Variants in SNTB1 observed in about 807,000 individuals in gnomAD.
SNTB1 encodes syntrophin beta 1.
SNTB1 carries 36 observed loss-of-function variants against 48.9 expected under a neutral mutation model. The observed-to-expected ratio is 0.74, with a 90% confidence interval of 0.56 to 0.97. The LOEUF is 0.97. Among genes scored for constraint, SNTB1 ranks in the 50% least tolerant of loss-of-function variants. SNTB1 has a pLI of 0.00. For missense variants in SNTB1, 786 were observed against 703.4 expected (o/e 1.12, Z -1.33); for synonymous variants, 299 against 294.6 (o/e 1.01, Z -0.15).
At chr8:120,709,005 T>C (rs975118591) in intron 1 of SNTB1, among the ~76,000 whole-genome samples, 2 of 151,172 alleles carry the variant, frequency 1.3e-5, no homozygotes, top group Admixed American at 6.6e-5. Context: ...AGCAATTCAA[T>C]GTATAAGGAT....
chr8:120,538,855 C>G lies in SNTB1; in HGVS notation c.*22G>C, dbSNP rs200076522. 6.2e-7 allele frequency: 1 copy of G among 1,601,926 alleles called. No homozygotes were observed. The highest frequency in any genetic ancestry group is 1.3e-5 in the African/African-American group (1 of 74,790). ...GGTGGCATTGCAGCCCTTCTTTTCT[C>G]AAAGGCAAGTCACCCCTGTCTTCAG... On this transcript the variant is annotated 3_prime_UTR_variant, in exon 7 of 7. Coordinates refer to ENST00000517992, the MANE Select transcript of SNTB1 (RefSeq NM_021021.4).
chr8:120,798,830 T>C (rs1293810246), intron 1 of SNTB1, among the ~76,000 whole-genome samples: 1 of 152,072 alleles, frequency 6.6e-6, no homozygotes, highest in Non-Finnish European at 1.5e-5. Context: ...CCTTCCACCA[T>C]GATTTCTTCT....
At chr8:120,808,304 C>T (rs535299279) in intron 1 of SNTB1, among the ~76,000 whole-genome samples, 1 of 152,328 alleles carries the variant, frequency 6.6e-6, no homozygotes, top group East Asian at 1.9e-4. Context: ...GCCTCAGTTA[C>T]TGTTAAGTGT....
At chr8:120,580,593 A>G (rs1210602345) in intron 3 of SNTB1, among the ~76,000 whole-genome samples, 1 of 152,218 alleles carries the variant, frequency 6.6e-6, no homozygotes, top group African/African-American at 2.4e-5. Flanking sequence ...TCACGAAGGA[A>G]GAAGGGCCAT....
intron 1 of SNTB1, among the ~76,000 whole-genome samples, chr8:120,794,855 C>T (rs1324527757): frequency 5.9e-5 from 9 of 152,004 alleles, no homozygotes; most frequent in Admixed American, 3.9e-4. Flanking sequence ...CATGGCCATA[C>T]CTTCCCAAGA....
rs916066317 is a variant in SNTB1 at position 120,650,056 on chromosome 8, C to A, written c.789-17405G>T. On this transcript the variant is annotated intron_variant, in intron 2 of 6. Transcript: ENST00000517992. ...CACGGTGCACGCACCCACTGACCTG[C>A]GCCCACTGTCTGGCACTCCCTAGTG... 4.6e-5 allele frequency among the ~76,000 whole-genome samples: 7 copies of A among 152,308 alleles called. No individual in the cohort carries two copies. The East Asian group carries it at 1.4e-3, about 29-fold the overall frequency.
At position 120,811,617 on chromosome 8, in the gene SNTB1, T is replaced by G. The variant is rs752211343; in HGVS notation, c.227A>C (p.His76Pro). 16 of 1,585,496 alleles carry G rather than the reference T, an allele frequency of 1.0e-5. No homozygotes were observed. The African/African-American group carries it at 1.8e-4, about 18-fold the overall frequency. The change falls in exon 1 of 7, where the codon CAC becomes CCC. Residue 76 changes from histidine to proline, a missense_variant. By Grantham distance (77) the His-to-Pro change is moderately conservative (BLOSUM62 -2). Coordinates refer to ENST00000517992, the MANE Select transcript of SNTB1 (RefSeq NM_021021.4). ...GGGCTGCGCGCCGCCCGCGCCCGGG[T>G]GCCCAGCCCCGGCGCCCCTGCAGAA... ...GSFCRGAGAG[H>P]PGAGGAQPPD... is the part of the protein sequence containing the mutation.
intron 4 of SNTB1, chr8:120,571,388 C>T: frequency 7.9e-7 from 1 of 1,268,028 alleles, no homozygotes; most frequent in Non-Finnish European, 1.0e-6. Context: ...GTACAGAAAG[C>T]AATAGCGATT....
intron 1 of SNTB1, among the ~76,000 whole-genome samples, chr8:120,741,435 G>A (rs1438949209): frequency 6.6e-6 from 1 of 152,108 alleles, no homozygotes; most frequent in African/African-American, 2.4e-5. Flanking sequence ...ATGGCAAAAT[G>A]CTGTCTCTAC....
At chr8:120,722,752 T>TCCC (rs1403654927) in intron 1 of SNTB1, among the ~76,000 whole-genome samples, 1 of 152,212 alleles carries the variant, frequency 6.6e-6, no homozygotes, top group Non-Finnish European at 1.5e-5. Context: ...TTTAATTAGA[T>TCCC]CCCATTTGTC....
chr8:120,654,548 A>C (rs1171791631), intron 2 of SNTB1, among the ~76,000 whole-genome samples: 1 of 152,138 alleles, frequency 6.6e-6, no homozygotes, highest in Non-Finnish European at 1.5e-5. Context: ...TGCCTATGGA[A>C]CTATTTCTGA....
chr8:120,562,438 G>T (rs1015735246), intron 4 of SNTB1, among the ~76,000 whole-genome samples: 1 of 152,160 alleles, frequency 6.6e-6, no homozygotes, highest in African/African-American at 2.4e-5. Context: ...GGGGCTCCTG[G>T]TTAGCAGAAG....
At chr8:120,602,203 A>T (rs2130720209) in intron 3 of SNTB1, among the ~76,000 whole-genome samples, 1 of 152,332 alleles carries the variant, frequency 6.6e-6, no homozygotes, top group Admixed American at 6.5e-5. Flanking sequence ...AGGCATTGAA[A>T]ATCACAAGCC....
intron 3 of SNTB1, 145 bp downstream of exon 3, chr8:120,632,299 C>CCTA: frequency 1.3e-6 from 1 of 788,456 alleles, no homozygotes; most frequent in Non-Finnish European, 2.0e-6. Flanking sequence ...AATGTAAAGG[C>CCTA]CTGTAGCCTG....
chr8:120,612,100 C>T (rs1816636544), intron 3 of SNTB1, among the ~76,000 whole-genome samples: 1 of 152,162 alleles, frequency 6.6e-6, no homozygotes, highest in East Asian at 1.9e-4. Context: ...TAAAATTTAA[C>T]ACTGGCACTG....
chr8:120,587,092 G>A (rs903095975), intron 3 of SNTB1, among the ~76,000 whole-genome samples: 7 of 152,220 alleles, frequency 4.6e-5, no homozygotes, highest in East Asian at 3.9e-4. Flanking sequence ...GTGGTAGCGC[G>A]TGCCTGTAAT....
At chr8:120,667,454 C>G (rs753958029) in intron 2 of SNTB1, among the ~76,000 whole-genome samples, 3 of 152,172 alleles carry the variant, frequency 2.0e-5, no homozygotes, top group African/African-American at 7.2e-5. Flanking sequence ...CAAAAAGATA[C>G]AGGAGGAGAA....
chr8:120,551,126 C>T lies in SNTB1; in HGVS notation c.1137-2168G>A, dbSNP rs996197492. Among the ~76,000 whole-genome samples, 6 of 151,866 alleles carry T rather than the reference C, an allele frequency of 4.0e-5. No homozygotes were observed. In the East Asian group the frequency reaches 7.8e-4, roughly 20 times the overall value. On this transcript the variant is annotated intron_variant, in intron 4 of 6. Coordinates refer to ENST00000517992, the MANE Select transcript of SNTB1 (RefSeq NM_021021.4). ...CAAAAATTATCTGGACATGGTGGCA[C>T]GCACCTGTAATTCCAGCTACTTGGG...
intron 1 of SNTB1, among the ~76,000 whole-genome samples, chr8:120,766,962 A>G (rs1000475713): frequency 6.6e-6 from 1 of 152,092 alleles, no homozygotes; most frequent in Admixed American, 6.6e-5. Flanking sequence ...TATATGAATG[A>G]TTATCCCAGA....
Sources: gnomAD v4.1 joint callset for allele counts (sites outside exome capture counted in the v4.1 genomes callset) on GRCh38, gnomAD v4.1.1 for gene constraint, MANE v1.5 for transcripts, NCBI Gene and HGNC (gene_info 2026-07-23, HGNC 2026-07-21) for gene names.